SRFBP1: variants seen among roughly 807,000 people sequenced by gnomAD.
SRFBP1 encodes serum response factor binding protein 1, also known as serum response factor-binding protein 1.
A neutral mutation model predicts 45.5 loss-of-function variants in SRFBP1; 47 were observed. The observed-to-expected ratio is 1.03, with a 90% CI of 0.82 to 1.32. The LOEUF is 1.32. SRFBP1 is among the 40% of genes most tolerant of loss of function. The pLI is 0.00. For missense variants in SRFBP1, 621 were observed against 484.6 expected, an observed-to-expected ratio of 1.28 and a Z score of -2.64; for synonymous variants, 203 against 166.3, an observed-to-expected ratio of 1.22 and a Z score of -1.70.
intron 3 of SRFBP1, among the ~76,000 whole-genome samples, chr5:121,983,418 A>T (rs948417889): frequency 6.6e-6 from 1 of 151,702 alleles, no homozygotes; most frequent in East Asian, 1.9e-4. Flanking sequence ...AACAATTTTG[A>T]TGTTTTTATT....
chr5:122,014,425 G>A lies in SRFBP1; in HGVS notation c.271-4835G>A, dbSNP rs78618428. Among the ~76,000 whole-genome samples the A allele has an allele frequency of 7.2e-3, 1,091 of 152,138 alleles. 5 individuals are homozygous for A. Among genetic ancestry groups the A allele is most frequent in the Admixed American group, 0.012 (180 of 15,278 alleles). On this transcript the variant is annotated intron_variant, in intron 4 of 7. Coordinates refer to ENST00000339397, the MANE Select transcript of SRFBP1 (RefSeq NM_152546.3). ...CTCCAATTTGACAACTACAATGTGA[G>A]TGACTCTCCGGGGATTATGCAACAC...
In SRFBP1 at chr5:122,028,044, T is replaced by A. The variant is rs1753524240; in HGVS notation, c.*918T>A. 1 of 152,222 alleles carries A rather than the reference T, an allele frequency of 6.6e-6. No individual in the cohort carries two copies. Among genetic ancestry groups the A allele is most frequent in the Admixed American group, 6.5e-5 (1 of 15,284 alleles). The allele number at this position is 152,222 out of a possible 1,614,324, so 9.4% of individuals were successfully genotyped here. ...TTAAAAGAATATTTCCACTGATGGC[T>A]AAGCAAAGAAGTTGTAAGATGACTC... On this transcript the variant is annotated 3_prime_UTR_variant, in exon 8 of 8. Transcript: ENST00000339397.
chr5:122,041,041 A>G (rs1365664142), intron 2 of SRFBP1, among the ~76,000 whole-genome samples: 2 of 152,168 alleles, frequency 1.3e-5, no homozygotes, highest in East Asian at 3.8e-4. Flanking sequence ...ATACATAGTA[A>G]GTGCTCAGTT....
intron 2 of SRFBP1, among the ~76,000 whole-genome samples, chr5:121,975,015 C>T (rs371862078): frequency 5.3e-5 from 8 of 151,636 alleles, no homozygotes; most frequent in African/African-American, 1.9e-4. Flanking sequence ...ATACAATGTA[C>T]GATTGATTGA....
intron 3 of SRFBP1, among the ~76,000 whole-genome samples, chr5:121,977,217 G>A (rs866855062): frequency 3.3e-5 from 5 of 151,892 alleles, no homozygotes; most frequent in Middle Eastern, 3.2e-3. Context: ...CTGTGATTGC[G>A]CAATGGAATG....
chr5:122,033,569 T>C (rs1355442846), downstream of SRFBP1, among the ~76,000 whole-genome samples: 1 of 152,000 alleles, frequency 6.6e-6, no homozygotes, highest in East Asian at 1.9e-4. Context: ...CAAGCAGTTC[T>C]CTCTGCCTCA....
intron 1 of SRFBP1, among the ~76,000 whole-genome samples, chr5:121,965,520 G>T (rs1347441737): frequency 6.6e-6 from 1 of 152,136 alleles, no homozygotes; most frequent in Admixed American, 6.5e-5. Context: ...TGTTGTTTCT[G>T]AGGCCTCTGT....
At chr5:122,008,668 T>G (rs1753026189) in intron 4 of SRFBP1, among the ~76,000 whole-genome samples, 1 of 152,160 alleles carries the variant, frequency 6.6e-6, no homozygotes, top group Non-Finnish European at 1.5e-5. Context: ...AGGTATTTTT[T>G]TGTGTGTAGA....
intron 3 of SRFBP1, among the ~76,000 whole-genome samples, chr5:121,977,761 A>G (rs74597140): frequency 0.038 from 5,812 of 152,154 alleles, 318 homozygotes; most frequent in African/African-American, 0.11. Context: ...TTGTTGCAGG[A>G]TGACTTCTTT....
At chr5:122,053,912 C>G (rs1327914055) in intron 2 of SRFBP1, among the ~76,000 whole-genome samples, 2 of 151,520 alleles carry the variant, frequency 1.3e-5, no homozygotes, top group African/African-American at 4.9e-5. Flanking sequence ...CACACAAAAA[C>G]AGGACCACTG....
At chr5:121,971,035 A>T (rs1328408563) in intron 1 of SRFBP1, among the ~76,000 whole-genome samples, 1 of 152,118 alleles carries the variant, frequency 6.6e-6, no homozygotes, top group Non-Finnish European at 1.5e-5. Context: ...CATTCTGACC[A>T]GTGGAAATGG....
chr5:122,038,119 A>G (rs1376231263), intron 2 of SRFBP1, among the ~76,000 whole-genome samples: 2 of 152,204 alleles, frequency 1.3e-5, no homozygotes, highest in African/African-American at 4.8e-5. Context: ...CAGCCTAAAT[A>G]ACGCCATTTG....
At position 121,981,436 on chromosome 5, in the gene SRFBP1, G is replaced by A. The variant is rs1365008562; in HGVS notation, c.198+6049G>A. On this transcript the variant is annotated intron_variant, in intron 3 of 7. Transcript: ENST00000339397. ...AATCATGTTCTGCACTCTAACCAGT[G>A]ACCTTTCTGAAATGCATATCTAATG... Among the ~76,000 whole-genome samples the A allele has an allele frequency of 3.3e-5, 5 of 151,726 alleles. No homozygotes were observed. The East Asian group carries it at 9.7e-4, about 29-fold the overall frequency.
At chr5:121,980,158 G>A (rs1226820868) in intron 3 of SRFBP1, among the ~76,000 whole-genome samples, 1 of 152,014 alleles carries the variant, frequency 6.6e-6, no homozygotes, top group African/African-American at 2.4e-5. Flanking sequence ...CTTCCTTTTA[G>A]CCTTTCTTTT....
At chr5:121,971,889 C>T (rs979601755) in intron 1 of SRFBP1, among the ~76,000 whole-genome samples, 1 of 151,838 alleles carries the variant, frequency 6.6e-6, no homozygotes, top group Non-Finnish European at 1.5e-5. Context: ...TTTTGGAATT[C>T]ATTGGTGTCC....
intron 2 of SRFBP1, chr5:122,066,752 A>G: frequency 6.3e-7 from 1 of 1,586,696 alleles, no homozygotes; most frequent in Non-Finnish European, 8.7e-7. Flanking sequence ...TCTAATACCT[A>G]GATTAAGAAG....
At chr5:122,015,685 C>T (rs1753181669) in intron 4 of SRFBP1, among the ~76,000 whole-genome samples, 2 of 152,176 alleles carry the variant, frequency 1.3e-5, no homozygotes, top group Non-Finnish European at 2.9e-5. Flanking sequence ...TTTGCCAATT[C>T]CTGGTTTTGA....
At chr5:122,054,240 C>A (rs767662982) in intron 2 of SRFBP1, among the ~76,000 whole-genome samples, 1 of 152,168 alleles carries the variant, frequency 6.6e-6, no homozygotes, top group African/African-American at 2.4e-5. Context: ...CTGGGAGGTC[C>A]AGGGGGATTC....
chr5:121,976,338 T>C (rs1752302043), intron 3 of SRFBP1, among the ~76,000 whole-genome samples: 1 of 151,970 alleles, frequency 6.6e-6, no homozygotes, highest in Admixed American at 6.6e-5. Context: ...GGAATCCATC[T>C]GATATAACTT....
Sources: allele counts gnomAD v4.1 joint callset (sites outside exome capture counted in the v4.1 genomes callset), GRCh38; gene constraint gnomAD v4.1.1; transcripts MANE v1.5; gene names NCBI Gene and HGNC (gene_info 2026-07-23, HGNC 2026-07-21).